The following GRM8 variants were observed in gnomAD, a reference collection of about 807,000 sequenced individuals.
GRM8 encodes metabotropic glutamate receptor 8.
In GRM8, 47 loss-of-function variants were observed where a neutral mutation model predicts 87.2. That is an observed-to-expected ratio of 0.54 (90% CI 0.43 to 0.69). The LOEUF is 0.69. GRM8 is among the 30% of genes least tolerant of loss of function. The pLI is 0.00. For synonymous variants in GRM8, 396 were observed against 404.5 expected, an observed-to-expected ratio of 0.98 and a Z score of 0.25; for missense variants, 1,019 against 1,139.2, an observed-to-expected ratio of 0.89 and a Z score of 1.52.
chr7:126,853,805 C>T (rs1204203059), intron 6 of GRM8, among the ~76,000 whole-genome samples: 2 of 152,170 alleles, frequency 1.3e-5, no homozygotes, highest in Admixed American at 6.5e-5. Context: ...ACTTGCTCTC[C>T]AACTTCTCCG....
At chr7:126,636,928 T>C (rs1367882418) in intron 7 of GRM8, among the ~76,000 whole-genome samples, 1 of 152,104 alleles carries the variant, frequency 6.6e-6, no homozygotes, top group Non-Finnish European at 1.5e-5. Flanking sequence ...ATTTCTAAAG[T>C]TCTTCATCAT....
chr7:126,785,344 C>T (rs889329258), intron 6 of GRM8, among the ~76,000 whole-genome samples: 7 of 152,236 alleles, frequency 4.6e-5, no homozygotes, highest in African/African-American at 1.7e-4. Flanking sequence ...TTGCAATGCA[C>T]ATCTTGGCTG....
intron 6 of GRM8, among the ~76,000 whole-genome samples, chr7:126,862,860 C>T (rs190860528): frequency 6.6e-6 from 1 of 151,920 alleles, no homozygotes; most frequent in East Asian, 1.9e-4. Context: ...TTAAATTGAT[C>T]GATTTTGCCA....
intron 1 of GRM8, among the ~76,000 whole-genome samples, chr7:127,249,811 A>G (rs2116916844): frequency 6.6e-6 from 1 of 152,330 alleles, no homozygotes; most frequent in Non-Finnish European, 1.5e-5. Context: ...CACATTTGTG[A>G]GTCTGGGGAT....
intron 8 of GRM8, among the ~76,000 whole-genome samples, chr7:126,580,948 A>G (rs1307560068): frequency 7.0e-6 from 1 of 142,252 alleles, no homozygotes; most frequent in Non-Finnish European, 1.6e-5. Flanking sequence ...TAAAGTCTCC[A>G]AGAGGTCTTA....
At chr7:126,607,235 A>G (rs992399308) in intron 8 of GRM8, among the ~76,000 whole-genome samples, 2 of 152,248 alleles carry the variant, frequency 1.3e-5, no homozygotes, top group African/African-American at 4.8e-5. Context: ...TGAAGCACCT[A>G]GAAGTAGTAA....
chr7:126,506,343 T>C lies in GRM8; in HGVS notation c.2430+26609A>G, dbSNP rs942060936. Among the ~76,000 whole-genome samples the C allele has an allele frequency of 2.6e-5, 4 of 152,022 alleles. No individual in the cohort carries two copies. In the East Asian group the frequency reaches 5.8e-4, roughly 22 times the overall value. On this transcript the variant is annotated intron_variant, in intron 9 of 10. Coordinates refer to ENST00000339582, the MANE Select transcript of GRM8 (RefSeq NM_000845.3). Reference sequence around the variant, plus strand: ...TTTAGGTTTTCCCTACATGACTTTATGATGCTTCTTTCAAATGTACTCCCT... The same window carrying C: ...TTTAGGTTTTCCCTACATGACTTTACGATGCTTCTTTCAAATGTACTCCCT...
At position 126,685,890 on chromosome 7, in the gene GRM8, C is replaced by T. The variant is rs778900917; in HGVS notation, c.1358-76392G>A. ...AACCCTGGGGGCTGGGAGCCATTCC[C>T]GCATACCAGAAGGTGAACTCGTAGC... On this transcript the variant is annotated intron_variant, in intron 7 of 10. Transcript: ENST00000339582. The surrounding 1 kb of genome is among the most constrained non-coding windows in gnomAD (Gnocchi z 4.2). Among the ~76,000 whole-genome samples the T allele has an allele frequency of 1.3e-5, 2 of 151,978 alleles. No individual in the cohort carries two copies. The highest frequency in any genetic ancestry group is 1.9e-4 in the East Asian group (1 of 5,164).
chr7:126,570,876 C>G (rs578108978), intron 8 of GRM8, among the ~76,000 whole-genome samples: 1 of 152,188 alleles, frequency 6.6e-6, no homozygotes, highest in Non-Finnish European at 1.5e-5. Context: ...CAAACCTTGG[C>G]TTTTCAGAAC....
chr7:126,869,155 G>C (rs891672802), intron 6 of GRM8: 6 of 152,160 alleles, frequency 3.9e-5, no homozygotes, highest in African/African-American at 1.4e-4. Context: ...ATAAGAAGCA[G>C]CTCCTCATCT....
chr7:126,777,919 C>G (rs957360364), intron 6 of GRM8, among the ~76,000 whole-genome samples: 1 of 152,112 alleles, frequency 6.6e-6, no homozygotes, highest in Non-Finnish European at 1.5e-5. Flanking sequence ...AAAGCTTATA[C>G]ATTTATCTTT....
intron 7 of GRM8, among the ~76,000 whole-genome samples, chr7:126,696,988 T>C (rs997547801): frequency 1.3e-5 from 2 of 151,362 alleles, no homozygotes; most frequent in African/African-American, 2.4e-5. Context: ...CCTCAAGGGA[T>C]GAATGGATAA....
chr7:126,518,898 G>A (rs771922124), intron 9 of GRM8, among the ~76,000 whole-genome samples: 20 of 151,970 alleles, frequency 1.3e-4, no homozygotes, highest in Non-Finnish European at 1.6e-4. Context: ...ATTCAGAGAA[G>A]ATAACTTCCT....
At chr7:126,827,556 T>C (rs1462061064) in intron 6 of GRM8, among the ~76,000 whole-genome samples, 1 of 152,150 alleles carries the variant, frequency 6.6e-6, no homozygotes, top group Admixed American at 6.6e-5. Flanking sequence ...ATTTTTGTAC[T>C]TTGATTTTGT....
At chr7:127,200,964 T>C (rs941985933) in intron 2 of GRM8, among the ~76,000 whole-genome samples, 1 of 152,252 alleles carries the variant, frequency 6.6e-6, no homozygotes, top group Non-Finnish European at 1.5e-5. Context: ...GTCAAATTAA[T>C]TTAAAATCTT....
chr7:127,027,617 C>A (rs550932322), intron 3 of GRM8, among the ~76,000 whole-genome samples: 1 of 152,226 alleles, frequency 6.6e-6, no homozygotes, highest in South Asian at 2.1e-4. Context: ...GGAGTTCACT[C>A]ACGATTTGGC....
At chr7:126,668,142 C>T (rs549360843) in intron 7 of GRM8, among the ~76,000 whole-genome samples, 10 of 152,222 alleles carry the variant, frequency 6.6e-5, no homozygotes, top group African/African-American at 1.7e-4. Context: ...GACAACCCAG[C>T]GGGAAGTGCT....
At chr7:127,207,528 C>T (rs535437052) in intron 2 of GRM8, among the ~76,000 whole-genome samples, 30 of 152,284 alleles carry the variant, frequency 2.0e-4, no homozygotes, top group African/African-American at 7.0e-4. Flanking sequence ...ATAAGCACGT[C>T]ATCTGCCATT....
intron 3 of GRM8, among the ~76,000 whole-genome samples, chr7:127,032,172 T>C (rs1817441563): frequency 6.6e-6 from 1 of 152,194 alleles, no homozygotes; most frequent in South Asian, 2.1e-4. Context: ...ATATATTTCA[T>C]GGTTCAGCAC....
Sources: allele counts gnomAD v4.1 joint callset (sites outside exome capture counted in the v4.1 genomes callset), GRCh38; gene constraint gnomAD v4.1.1; non-coding constraint Gnocchi (gnomAD v3.1); transcripts MANE v1.5; gene names NCBI Gene and HGNC (gene_info 2026-07-23, HGNC 2026-07-21).